Variants in MGAT4C observed in about 807,000 individuals in gnomAD.
The protein encoded by MGAT4C is alpha-1,3-mannosyl-glycoprotein 4-beta-N-acetylglucosaminyltransferase C.
In MGAT4C, 19 loss-of-function variants were observed where a neutral mutation model predicts 40.1. The observed-to-expected ratio is 0.47, with a 90% CI of 0.33 to 0.70. The LOEUF (loss-of-function observed/expected upper bound fraction) is 0.70. Ranked by LOEUF, MGAT4C falls within the 30% of genes least tolerant of loss-of-function variation. MGAT4C has a pLI of 0.02. For missense variants in MGAT4C, 491 were observed against 563.2 expected, an observed-to-expected ratio of 0.87 and a Z score of 1.30; for synonymous variants, 181 against 187.1, an observed-to-expected ratio of 0.97 and a Z score of 0.27.
At chr12:86,726,883 A>C (rs1285441783) in intron 2 of MGAT4C, among the ~76,000 whole-genome samples, 1 of 152,154 alleles carries the variant, frequency 6.6e-6, no homozygotes, top group African/African-American at 2.4e-5. Flanking sequence ...TCTGTACACA[A>C]GTATTTGAAC....
intron 1 of MGAT4C, among the ~76,000 whole-genome samples, chr12:86,217,031 G>A (rs1950698582): frequency 6.6e-6 from 1 of 152,020 alleles, no homozygotes; most frequent in African/African-American, 2.4e-5. Flanking sequence ...CCTCCCTATA[G>A]CACAAGGTTT....
intron 4 of MGAT4C, among the ~76,000 whole-genome samples, chr12:86,267,404 A>G (rs1952816581): frequency 6.6e-6 from 1 of 152,144 alleles, no homozygotes; most frequent in Non-Finnish European, 1.5e-5. Flanking sequence ...GACACCTGAA[A>G]TTATACAGAT....
chr12:86,035,469 G>A (rs575933246), intron 2 of MGAT4C, among the ~76,000 whole-genome samples: 31 of 150,000 alleles, frequency 2.1e-4, no homozygotes, highest in African/African-American at 7.5e-4. Flanking sequence ...CTAGATTCTG[G>A]ATATTAGCCC....
At chr12:86,050,501 G>C (rs891972754) in intron 1 of MGAT4C, among the ~76,000 whole-genome samples, 1 of 151,920 alleles carries the variant, frequency 6.6e-6, no homozygotes, top group Non-Finnish European at 1.5e-5. Flanking sequence ...TAAAAACTCA[G>C]TGCTACTTTG....
intron 1 of MGAT4C, among the ~76,000 whole-genome samples, chr12:86,818,691 A>G (rs928327009): frequency 1.3e-5 from 2 of 151,260 alleles, no homozygotes; most frequent in Admixed American, 6.6e-5. Flanking sequence ...TTCTAAAGAA[A>G]AAACGACAAT....
At chr12:86,471,319 T>C (rs1002535207) in intron 2 of MGAT4C, among the ~76,000 whole-genome samples, 11 of 152,024 alleles carry the variant, frequency 7.2e-5, no homozygotes, top group Admixed American at 2.0e-4. Flanking sequence ...GAATGTAATA[T>C]ATATGACAAC....
chr12:86,383,674 A>G (rs1955996845), intron 3 of MGAT4C, among the ~76,000 whole-genome samples: 2 of 150,992 alleles, frequency 1.3e-5, no homozygotes, highest in Admixed American at 6.6e-5. Flanking sequence ...AACTGTATTT[A>G]CCCAATGCCT....
intron 2 of MGAT4C, among the ~76,000 whole-genome samples, chr12:86,684,741 G>A (rs1950041639): frequency 6.6e-6 from 1 of 151,422 alleles, no homozygotes; most frequent in African/African-American, 2.4e-5. Context: ...GCATGAGATG[G>A]TATCTCATTG....
At chr12:86,164,316 G>A (rs760017594) in intron 1 of MGAT4C, among the ~76,000 whole-genome samples, 6 of 152,144 alleles carry the variant, frequency 3.9e-5, no homozygotes, top group Non-Finnish European at 5.9e-5. Context: ...TGTGAATTAG[G>A]TGATGTCCAA....
intron 2 of MGAT4C, among the ~76,000 whole-genome samples, chr12:86,531,575 C>A (rs1958984170): frequency 6.6e-6 from 1 of 152,030 alleles, no homozygotes; most frequent in Non-Finnish European, 1.5e-5. Context: ...TCTCAAACTT[C>A]TCAAGTTTAC....
At position 86,094,184 on chromosome 12, in the gene MGAT4C, T is replaced by C. The variant is rs148415743; in HGVS notation, c.-56-44461A>G. ...GACAGAAGAATTGAGCAATGTTATATGTACAAAACTAAGGGAGAGAAAATA... is the reference window on the plus strand; with the variant it reads ...GACAGAAGAATTGAGCAATGTTATACGTACAAAACTAAGGGAGAGAAAATA... On this transcript the variant is annotated intron_variant, in intron 1 of 4. Transcript: ENST00000611864. Among the ~76,000 whole-genome samples, 735 of 152,182 alleles carry C rather than the reference T, an allele frequency of 4.8e-3. 8 individuals carry two copies. Among genetic ancestry groups the C allele is most frequent in the Non-Finnish European group, 4.5e-3 (309 of 68,006 alleles).
At chr12:86,704,284 T>C (rs1950417093) in intron 2 of MGAT4C, among the ~76,000 whole-genome samples, 1 of 152,096 alleles carries the variant, frequency 6.6e-6, no homozygotes, top group Admixed American at 6.6e-5. Context: ...GCCCGTTGGC[T>C]ATGCTTGGAT....
chr12:86,111,500 A>G (rs1201087083), intron 1 of MGAT4C, among the ~76,000 whole-genome samples: 2 of 151,794 alleles, frequency 1.3e-5, no homozygotes. Flanking sequence ...GATGACAAAT[A>G]TGCCTAGCAA....
chr12:86,659,372 T>G (rs1035617203), intron 2 of MGAT4C, among the ~76,000 whole-genome samples: 2 of 152,052 alleles, frequency 1.3e-5, no homozygotes, highest in Non-Finnish European at 2.9e-5. Context: ...TACAAGCTGC[T>G]GAATTAGATC....
At chr12:86,617,230 A>T (rs945493357) in intron 2 of MGAT4C, among the ~76,000 whole-genome samples, 2 of 152,142 alleles carry the variant, frequency 1.3e-5, no homozygotes, top group African/African-American at 2.4e-5. Context: ...GTTTCACGTA[A>T]TTTTTTAGAT....
chr12:86,457,539 G>A (rs1158371091), intron 2 of MGAT4C, among the ~76,000 whole-genome samples: 1 of 152,006 alleles, frequency 6.6e-6, no homozygotes, highest in Non-Finnish European at 1.5e-5. Flanking sequence ...TTGTCTCTTT[G>A]CTTTCAGGTC....
Position 85,970,919 on chromosome 12 carries a change from C to G in MGAT4C, c.*8370G>C, listed in dbSNP as rs1017169357. 6.6e-6 allele frequency: 1 copy of G among 151,028 alleles called. No individual in the cohort carries two copies. Among genetic ancestry groups the G allele is most frequent in the African/African-American group, 2.4e-5 (1 of 41,274 alleles). The allele number at this position is 151,028 out of a possible 1,614,324, so 9.4% of individuals were successfully genotyped here. On this transcript the variant is annotated 3_prime_UTR_variant, in exon 5 of 5. Coordinates refer to ENST00000611864, the MANE Select transcript of MGAT4C (RefSeq NM_001351288.2). The stretch of plus-strand genomic sequence containing the variant: ...ACACATGAGTGGCTAAAATTGCAAA[C>G]TTAATCACATAAATAATGAGATTAA...
intron 1 of MGAT4C, among the ~76,000 whole-genome samples, chr12:86,099,388 G>A (rs910262774): frequency 6.8e-6 from 1 of 147,108 alleles, no homozygotes; most frequent in Admixed American, 7.0e-5. Flanking sequence ...TTTCTTTTGG[G>A]GGGGGGCAAA....
At chr12:86,128,310 A>C (rs967586571) in intron 1 of MGAT4C, among the ~76,000 whole-genome samples, 1 of 152,018 alleles carries the variant, frequency 6.6e-6, no homozygotes, top group African/African-American at 2.4e-5. Flanking sequence ...CATAATTCCT[A>C]TGTGTTGTGG....
Sources: gnomAD v4.1 joint callset for allele counts (sites outside exome capture counted in the v4.1 genomes callset) on GRCh38, gnomAD v4.1.1 for gene constraint, MANE v1.5 for transcripts, NCBI Gene and HGNC (gene_info 2026-07-23, HGNC 2026-07-21) for gene names.